UNC13C: variants seen among roughly 807,000 people sequenced by gnomAD.
The protein encoded by UNC13C is protein unc-13 homolog C.
UNC13C carries 174 observed loss-of-function variants against 245.4 expected under a neutral mutation model. The observed-to-expected ratio is 0.71, with a 90% CI of 0.63 to 0.80. UNC13C has a LOEUF of 0.80. Among genes scored for constraint, UNC13C ranks in the 30% least tolerant of loss-of-function variants. The probability of loss-of-function intolerance (pLI) is 0.00; values close to 1 mark genes in which losing one functional copy is unlikely to be tolerated. For synonymous variants in UNC13C, 992 were observed against 895.1 expected (o/e 1.11, Z -1.93); for missense variants, 2,829 against 2,602.9 (o/e 1.09, Z -1.89).
the UNC13C span, chr15:53,955,972 A>G: frequency 6.6e-6 from 1 of 152,266 alleles, no homozygotes; most frequent in South Asian, 2.1e-4. Context: ...TGTGGTATAT[A>G]TACACAATGG....
At chr15:54,341,608 C>CA (rs113165230) in intron 17 of UNC13C, among the ~76,000 whole-genome samples, 37,837 of 151,852 alleles carry the variant, frequency 0.25, 5,153 homozygotes, top group Admixed American at 0.34. Context: ...TTCAGGAATA[C>CA]AAAAAAATAT....
intron 4 of UNC13C, among the ~76,000 whole-genome samples, chr15:54,168,794 A>G (rs546704571): frequency 1.3e-5 from 2 of 152,232 alleles, no homozygotes; most frequent in Non-Finnish European, 2.9e-5. Context: ...AAAATAAAAT[A>G]CAATTATTAC....
intron 30 of UNC13C, among the ~76,000 whole-genome samples, chr15:54,585,798 T>A (rs1163755056): frequency 6.6e-6 from 1 of 152,194 alleles, no homozygotes; most frequent in African/African-American, 2.4e-5. Flanking sequence ...CAAGCAGATA[T>A]AACCTTTTAT....
At chr15:54,467,578 CTCT>C (rs1892247096) in intron 19 of UNC13C, among the ~76,000 whole-genome samples, 2 of 151,526 alleles carry the variant, frequency 1.3e-5, no homozygotes, top group Non-Finnish European at 3.0e-5. Context: ...GAACTTATTC[CTCT>C]TGTTTAACCT....
intron 2 of UNC13C, among the ~76,000 whole-genome samples, chr15:54,042,146 C>G (rs990377210): frequency 6.6e-6 from 1 of 152,174 alleles, no homozygotes; most frequent in African/African-American, 2.4e-5. Context: ...GTGGAAAACA[C>G]TTCTTTTCCC....
chr15:54,169,309 T>C (rs1160775518), intron 4 of UNC13C, among the ~76,000 whole-genome samples: 1 of 152,236 alleles, frequency 6.6e-6, no homozygotes, highest in Admixed American at 6.5e-5. Flanking sequence ...CTTAGTCATT[T>C]TGAATTTTTG....
At chr15:54,233,159 G>A (rs1056659644) in intron 4 of UNC13C, among the ~76,000 whole-genome samples, 1 of 152,098 alleles carries the variant, frequency 6.6e-6, no homozygotes, top group Non-Finnish European at 1.5e-5. Context: ...ACTGTGACTA[G>A]CACAGCCCTT....
At chr15:53,928,799 T>G in the UNC13C span, among the ~76,000 whole-genome samples, 2 of 152,206 alleles carry the variant, frequency 1.3e-5, no homozygotes, top group African/African-American at 4.8e-5. Flanking sequence ...TTTCACCCAC[T>G]GTATAAGTGA....
At chr15:54,629,735 A>C (rs1258795218), downstream of UNC13C, 1 of 125,796 alleles carries the variant, frequency 7.9e-6, no homozygotes, top group Non-Finnish European at 1.8e-5. Flanking sequence ...TACATGATAC[A>C]TTTGAGTAAA....
chr15:54,116,562 CATA>C (rs1380843689), intron 2 of UNC13C, among the ~76,000 whole-genome samples: 4 of 152,114 alleles, frequency 2.6e-5, no homozygotes, highest in Middle Eastern at 3.2e-3. Context: ...TTTCAGTAAT[CATA>C]ATAACTTCCA....
At chr15:54,519,200 C>T (rs1895111130) in intron 24 of UNC13C, among the ~76,000 whole-genome samples, 2 of 151,790 alleles carry the variant, frequency 1.3e-5, no homozygotes, top group Non-Finnish European at 2.9e-5. Flanking sequence ...GTTAGCAATC[C>T]ATGAAGTAGA....
rs758410652 is a variant in UNC13C at position 54,627,160 on chromosome 15, G to A, written c.*47G>A. The stretch of plus-strand genomic sequence containing the variant: ...ACATAACTATAATTGTTTGACTACT[G>A]CATGCATGTGCAAATACATGGGAAT... On this transcript the variant is annotated 3_prime_UTR_variant, in exon 33 of 33. Transcript: ENST00000260323. The A allele has an allele frequency of 1.3e-6, 2 of 1,517,148 alleles. No individual in the cohort carries two copies. The highest frequency in any genetic ancestry group is 2.3e-5 in the East Asian group (1 of 43,910). The allele number at this position is 1,517,148 out of a possible 1,614,324, so 94.0% of individuals were successfully genotyped here. A position where few individuals can be genotyped will look rare whatever the true frequency, so the allele number is the denominator to read the frequency against.
At chr15:54,445,670 T>C (rs1890772044) in intron 19 of UNC13C, among the ~76,000 whole-genome samples, 1 of 152,218 alleles carries the variant, frequency 6.6e-6, no homozygotes, top group African/African-American at 2.4e-5. Context: ...TTGTTTGAGT[T>C]CTTTGTAGAT....
intron 15 of UNC13C, 26 bp from the exon 16 acceptor site, chr15:54,333,741 A>G (rs1485154359): frequency 6.6e-7 from 1 of 1,513,278 alleles, no homozygotes; most frequent in Non-Finnish European, 9.1e-7. Flanking sequence ...TGACAACCTT[A>G]TCCATTTTGT....
At chr15:54,123,220 T>C (rs2030799351) in intron 2 of UNC13C, among the ~76,000 whole-genome samples, 1 of 151,918 alleles carries the variant, frequency 6.6e-6, no homozygotes, top group African/African-American at 2.4e-5. Context: ...TAGGTGTACT[T>C]TTCCCTATTC....
the UNC13C span, among the ~76,000 whole-genome samples, chr15:53,934,077 A>G: frequency 1.3e-5 from 2 of 152,228 alleles, no homozygotes; most frequent in Non-Finnish European, 2.9e-5. Context: ...GAGCCAGCAT[A>G]TTACATTGCA....
chr15:54,007,913 G>A (rs1468706811), intron 1 of UNC13C, among the ~76,000 whole-genome samples: 1 of 152,170 alleles, frequency 6.6e-6, no homozygotes, highest in Non-Finnish European at 1.5e-5. Context: ...AAGAGGTCCT[G>A]TCCCTTTGTC....
At chr15:54,473,967 G>A (rs1189945922) in intron 19 of UNC13C, among the ~76,000 whole-genome samples, 2 of 151,800 alleles carry the variant, frequency 1.3e-5, no homozygotes, top group African/African-American at 4.8e-5. Context: ...GAGAACGTGT[G>A]ATATTTGTCT....
At chr15:54,335,181 T>C (rs1216358084) in intron 16 of UNC13C, among the ~76,000 whole-genome samples, 1 of 152,126 alleles carries the variant, frequency 6.6e-6, no homozygotes, top group African/African-American at 2.4e-5. Flanking sequence ...ACTAAAATAT[T>C]GTTCCAGCAA....
Sources: gnomAD v4.1 joint callset for allele counts (sites outside exome capture counted in the v4.1 genomes callset) on GRCh38, gnomAD v4.1.1 for gene constraint, MANE v1.5 for transcripts, NCBI Gene and HGNC (gene_info 2026-07-23, HGNC 2026-07-21) for gene names.